ZNF215: variants seen among roughly 807,000 people sequenced by gnomAD.
ZNF215 encodes BWSCR2-associated zinc finger protein 2.
Under a neutral mutation model 27.2 loss-of-function variants are expected in ZNF215, and 24 were observed. The observed-to-expected ratio is 0.88, with a 90% CI of 0.64 to 1.24. The LOEUF is 1.24. ZNF215 is among the 50% of genes most tolerant of loss of function. ZNF215 has a pLI of 0.00. For synonymous variants in ZNF215, 210 were observed against 204.0 expected (o/e 1.03, Z -0.25); for missense variants, 675 against 605.7 (o/e 1.11, Z -1.20).
chr11:6,936,841 CAATT>C (rs1402148140), intron 3 of ZNF215, among the ~76,000 whole-genome samples: 1 of 150,492 alleles, frequency 6.6e-6, no homozygotes, highest in Non-Finnish European at 1.5e-5. Context: ...ACGATTATCT[CAATT>C]GATGCAGAAA....
At chr11:6,979,415 TAAAAG>T (rs1252716843) in intron 5 of ZNF215, among the ~76,000 whole-genome samples, 4 of 152,070 alleles carry the variant, frequency 2.6e-5, no homozygotes, top group African/African-American at 7.2e-5. Context: ...TTTAAGCATT[TAAAAG>T]AAAAGTTTCT....
chr11:6,950,051 G>A (rs1260719978), intron 6 of ZNF215, among the ~76,000 whole-genome samples: 43 of 151,586 alleles, frequency 2.8e-4, no homozygotes, highest in Non-Finnish European at 4.7e-4. Flanking sequence ...GTAGATATGC[G>A]GCGTTATTTC....
chr11:6,930,233 AT>A (rs937481791), intron 2 of ZNF215, among the ~76,000 whole-genome samples: 3 of 152,078 alleles, frequency 2.0e-5, no homozygotes, highest in African/African-American at 7.2e-5. Flanking sequence ...GGAGAATGGT[AT>A]TAGAAACCAA....
At chr11:6,986,756 T>C (rs1177751248), downstream of ZNF215, among the ~76,000 whole-genome samples, 1 of 152,030 alleles carries the variant, frequency 6.6e-6, no homozygotes, top group African/African-American at 2.4e-5. Flanking sequence ...GAAAAAATGC[T>C]CATCATCACT....
In ZNF215 at chr11:6,964,797, G is replaced by A. The variant is rs115295071; in HGVS notation, c.805+9015G>A. ...ATAATCAAGATGAGTTTTTATTAGG[G>A]TTGCATTAAATCTAAAGATCTTCTT... On this transcript the variant is annotated intron_variant, in intron 5 of 5. Coordinates refer to the ZNF215 transcript ENST00000529903. 2.5e-3 allele frequency among the ~76,000 whole-genome samples: 371 copies of A among 151,406 alleles called. 2 individuals carry two copies. Among genetic ancestry groups the A allele is most frequent in the African/African-American group, 7.8e-3 (323 of 41,308 alleles).
At chr11:6,979,395 T>G (rs1037062772) in intron 5 of ZNF215, among the ~76,000 whole-genome samples, 1 of 152,078 alleles carries the variant, frequency 6.6e-6, no homozygotes, top group African/African-American at 2.4e-5. Context: ...AGATTTATAA[T>G]AACTTGATTT....
At chr11:6,947,941 G>C (rs1849881361) in intron 6 of ZNF215, among the ~76,000 whole-genome samples, 1 of 152,186 alleles carries the variant, frequency 6.6e-6, no homozygotes, top group East Asian at 1.9e-4. Context: ...CTCTCTTTGA[G>C]GCTTGGGCTT....
intron 6 of ZNF215, among the ~76,000 whole-genome samples, chr11:6,952,471 C>G (rs1406308737): frequency 6.6e-6 from 1 of 152,050 alleles, no homozygotes; most frequent in Non-Finnish European, 1.5e-5. Flanking sequence ...TTGAATTGAT[C>G]CTTTTACCAT....
intron 5 of ZNF215, among the ~76,000 whole-genome samples, chr11:6,972,911 A>ATT (rs11382653): frequency 1.1e-4 from 17 of 151,940 alleles, no homozygotes; most frequent in South Asian, 6.2e-4. Context: ...GATTTTTTTA[A>ATT]TTTTTTTTAT....
In ZNF215 at chr11:6,955,787, G is replaced by T; in HGVS notation, c.810G>T (p.Glu270Asp). Reference sequence around the variant, plus strand: ...CTTCTTCAGATGCCTGGAAAGGTGAGAATTGGTTATATAGGAACCAGAAAA... The same window carrying T: ...CTTCTTCAGATGCCTGGAAAGGTGATAATTGGTTATATAGGAACCAGAAAA... ...GHPSSDAWKG[E>D]NWLYRNQKKW... Residue 270 changes from glutamate to aspartate, a missense_variant, in exon 7 of 7, where the codon GAG (glutamate) becomes GAT (aspartate). Transcript: ENST00000278319. The T allele has an allele frequency of 1.2e-6, 2 of 1,613,412 alleles. No homozygotes were observed. The highest frequency in any genetic ancestry group is 1.7e-6 in the Non-Finnish European group (2 of 1,179,876).
At chr11:6,948,886 C>A (rs1375171194) in intron 6 of ZNF215, among the ~76,000 whole-genome samples, 1 of 140,492 alleles carries the variant, frequency 7.1e-6, no homozygotes, top group Non-Finnish European at 1.6e-5. Context: ...TCTCCTAATG[C>A]TATCCCTCCC....
At chr11:6,991,121 C>A (rs1361344778), downstream of ZNF215, among the ~76,000 whole-genome samples, 5 of 152,232 alleles carry the variant, frequency 3.3e-5, no homozygotes, top group African/African-American at 1.2e-4. Flanking sequence ...AACACCCTGA[C>A]TTTAATCCTG....
chr11:6,952,468 G>C (rs1270799779), intron 6 of ZNF215, among the ~76,000 whole-genome samples: 1 of 152,096 alleles, frequency 6.6e-6, no homozygotes, highest in Non-Finnish European at 1.5e-5. Flanking sequence ...TTGTTGAATT[G>C]ATCCTTTTAC....
intron 5 of ZNF215, 83 bp downstream of exon 5, chr11:6,943,298 AG>A: frequency 6.6e-7 from 1 of 1,526,370 alleles, no homozygotes; most frequent in Non-Finnish European, 8.8e-7. Flanking sequence ...GAAGTGGCTA[AG>A]TTCACTTTTG....
Position 6,983,253 on chromosome 11 carries a change from G to A in ZNF215, c.806-876G>A, listed in dbSNP as rs549244225. 4.3e-3 allele frequency among the ~76,000 whole-genome samples: 653 copies of A among 152,226 alleles called. 3 individuals carry two copies. Among genetic ancestry groups the A allele is most frequent in the African/African-American group, 0.015 (606 of 41,506 alleles). Reference sequence around the variant, plus strand: ...TAGACCAATAACAGGCTCTGAAATTGTGGCAATAATCAATAGCTTACCAAC... The same window carrying A: ...TAGACCAATAACAGGCTCTGAAATTATGGCAATAATCAATAGCTTACCAAC... On this transcript the variant is annotated intron_variant, in intron 5 of 5. Transcript: ENST00000529903.
chr11:6,985,843 C>A (rs1412170990), downstream of ZNF215, among the ~76,000 whole-genome samples: 1 of 152,060 alleles, frequency 6.6e-6, no homozygotes, highest in Non-Finnish European at 1.5e-5. Context: ...GGTGAAGAAT[C>A]TCTACAAGGA....
At chr11:6,969,084 T>C (rs1850675476) in intron 5 of ZNF215, among the ~76,000 whole-genome samples, 1 of 152,132 alleles carries the variant, frequency 6.6e-6, no homozygotes, top group Admixed American at 6.5e-5. Context: ...CTGGGTACTT[T>C]GGTGTTGAAT....
At chr11:6,959,231 G>A (rs1850465609), downstream of ZNF215, among the ~76,000 whole-genome samples, 1 of 152,158 alleles carries the variant, frequency 6.6e-6, no homozygotes, top group African/African-American at 2.4e-5. Context: ...GGGGCACAAA[G>A]CTATAAAGGG....
downstream of ZNF215, chr11:6,988,395 A>C: frequency 1.3e-5 from 4 of 318,500 alleles, no homozygotes; most frequent in Non-Finnish European, 1.8e-5. Context: ...AGCCTCCTTT[A>C]CTAGGCTTTA....
Sources: allele counts gnomAD v4.1 joint callset (sites outside exome capture counted in the v4.1 genomes callset), GRCh38; gene constraint gnomAD v4.1.1; transcripts MANE v1.5; gene names NCBI Gene and HGNC (gene_info 2026-07-23, HGNC 2026-07-21).